The following TMC2 variants were observed in gnomAD, a reference collection of about 807,000 sequenced individuals.
TMC2 encodes transmembrane channel like 2, also known as transmembrane channel-like protein 2.
In TMC2, 102 loss-of-function variants were observed where a neutral mutation model predicts 105.9. The observed-to-expected ratio is 0.96, with a 90% CI of 0.82 to 1.14. The LOEUF (loss-of-function observed/expected upper bound fraction) is 1.14, where lower values mean the gene tolerates loss of function less well. Among genes scored for constraint, TMC2 ranks in the 50% most tolerant of loss-of-function variants. TMC2 has a pLI of 0.00. For missense variants in TMC2, 1,093 were observed against 1,134.3 expected, an observed-to-expected ratio of 0.96 and a Z score of 0.52; for synonymous variants, 402 against 422.8, an observed-to-expected ratio of 0.95 and a Z score of 0.60.
At chr20:2,597,332 A>C (rs758197149) in intron 10 of TMC2, 34 bp downstream of exon 10, 2 of 1,605,902 alleles carry the variant, frequency 1.2e-6, no homozygotes, top group Admixed American at 3.3e-5. Flanking sequence ...ACTTCCGGAG[A>C]ACTCTAGGTC....
At chr20:2,595,801 G>A (rs1269405497) in intron 9 of TMC2, among the ~76,000 whole-genome samples, 1 of 152,086 alleles carries the variant, frequency 6.6e-6, no homozygotes, top group East Asian at 1.9e-4. Flanking sequence ...GTGGAGCACT[G>A]GGTAGAGTGA....
In TMC2 at chr20:2,621,233, G is replaced by A. The variant is rs149152401; in HGVS notation, c.2181-3038G>A. Among the ~76,000 whole-genome samples the A allele has an allele frequency of 3.3e-3, 509 of 152,018 alleles. 6 individuals are homozygous for A. Among genetic ancestry groups the A allele is most frequent in the African/African-American group, 0.011 (474 of 41,438 alleles). On this transcript the variant is annotated intron_variant, in intron 16 of 19. Transcript: ENST00000358864. ...AAAAATTAGCCAGGTGTGGTGGTGC[G>A]TGCCTGTAATCCCAGCTACTCGGGA...
At chr20:2,568,759 G>A (rs6114971) in intron 4 of TMC2, among the ~76,000 whole-genome samples, 19,330 of 152,160 alleles carry the variant, frequency 0.13, 1,533 homozygotes, top group African/African-American at 0.22. Context: ...TCCTGCCAAG[G>A]GGGGGAACAG....
rs565855021 is a variant in TMC2 at position 2,625,523 on chromosome 20, A to C, written c.2306+1127A>C. Among the ~76,000 whole-genome samples the C allele has an allele frequency of 2.0e-5, 3 of 152,346 alleles. No individual in the cohort carries two copies. In the East Asian group the frequency reaches 5.8e-4, roughly 29 times the overall value. ...AACCTTTTCATGAATGACTCACATTACATGCTTTTCCTCAAACAACATTAT... is the reference window on the plus strand; with the variant it reads ...AACCTTTTCATGAATGACTCACATTCCATGCTTTTCCTCAAACAACATTAT... On this transcript the variant is annotated intron_variant, in intron 17 of 19. Coordinates refer to ENST00000358864, the MANE Select transcript of TMC2 (RefSeq NM_080751.3).
chr20:2,634,240 T>C (rs2086625983), intron 17 of TMC2, among the ~76,000 whole-genome samples: 1 of 152,192 alleles, frequency 6.6e-6, no homozygotes, highest in Non-Finnish European at 1.5e-5. Flanking sequence ...GGAGGGGAAC[T>C]GGAGCTCCAC....
rs116848045 is a variant in TMC2 at position 2,557,119 on chromosome 20, T to A, written c.83-1337T>A. Reference sequence around the variant, plus strand: ...GGCTTTCTCGATGTGTGGTTTGGTGTTTGTCATTAATATTAGAAAATTCTT... The same window carrying A: ...GGCTTTCTCGATGTGTGGTTTGGTGATTGTCATTAATATTAGAAAATTCTT... On this transcript the variant is annotated intron_variant, in intron 2 of 19. Coordinates refer to ENST00000358864, the MANE Select transcript of TMC2 (RefSeq NM_080751.3). Among the ~76,000 whole-genome samples the A allele has an allele frequency of 9.1e-3, 1,392 of 152,346 alleles. 14 individuals carry two copies. Among genetic ancestry groups the A allele is most frequent in the South Asian group, 0.021 (101 of 4,826 alleles).
chr20:2,615,363 T>C (rs1325107589), intron 14 of TMC2, among the ~76,000 whole-genome samples: 1 of 152,254 alleles, frequency 6.6e-6, no homozygotes, highest in African/African-American at 2.4e-5. Context: ...ACTTAATGTA[T>C]GCATGTTTCC....
chr20:2,636,085 G>A lies in TMC2; in HGVS notation c.2385+81G>A, dbSNP rs1046552848. On this transcript the variant is annotated intron_variant, in intron 18 of 19. Transcript: ENST00000358864. ...TTTGCTAATTTGCTGTGTGAGCCCA[G>A]CTGTGTTATCTAAATGGCTTTCTTC... 3 of 1,216,982 alleles carry A rather than the reference G, an allele frequency of 2.5e-6. No homozygotes were observed. In the African/African-American group the frequency reaches 4.5e-5, roughly 18 times the overall value. The allele number at this position is 1,216,982 out of a possible 1,614,324, so 75.4% of individuals were successfully genotyped here. A position where few individuals can be genotyped will look rare whatever the true frequency, so the allele number is the denominator to read the frequency against.
At chr20:2,566,379 G>A (rs2086064631) in intron 4 of TMC2, among the ~76,000 whole-genome samples, 1 of 152,200 alleles carries the variant, frequency 6.6e-6, no homozygotes, top group Admixed American at 6.5e-5. Flanking sequence ...AGATGAGGTT[G>A]GGGAACAAAG....
At position 2,575,879 on chromosome 20, in the gene TMC2, T is replaced by C. The variant is rs573795485; in HGVS notation, c.646-3267T>C. Among the ~76,000 whole-genome samples, 260 of 152,360 alleles carry C rather than the reference T, an allele frequency of 1.7e-3. 1 individual carries two copies. The highest frequency in any genetic ancestry group is 5.9e-3 in the African/African-American group (245 of 41,576). On this transcript the variant is annotated intron_variant, in intron 5 of 19. Transcript: ENST00000358864. The stretch of plus-strand genomic sequence containing the variant: ...TCTAATGTTTTTTTCATTCAATTAC[T>C]AAGCTCTTAGCTTCCTTGTAATCCT...
chr20:2,626,167 T>C (rs980090051), intron 17 of TMC2, among the ~76,000 whole-genome samples: 5 of 152,236 alleles, frequency 3.3e-5, no homozygotes, highest in African/African-American at 1.2e-4. Context: ...CTGTCAAGAC[T>C]TGATGTTTTA....
intron 7 of TMC2, among the ~76,000 whole-genome samples, chr20:2,584,400 C>A (rs1410170950): frequency 6.9e-6 from 1 of 143,980 alleles, no homozygotes; most frequent in African/African-American, 2.8e-5. Flanking sequence ...GCCGAGATCC[C>A]GCCACTGCAC....
At chr20:2,617,394 GTTTCAT>G in intron 16 of TMC2, 83 bp downstream of exon 16, 1 of 1,554,504 alleles carries the variant, frequency 6.4e-7, no homozygotes, top group Non-Finnish European at 8.8e-7. Flanking sequence ...TCCAGTTCTG[GTTTCAT>G]GCCAGCCTGT....
intron 17 of TMC2, among the ~76,000 whole-genome samples, chr20:2,633,626 A>G (rs2086620108): frequency 6.6e-6 from 1 of 152,220 alleles, no homozygotes; most frequent in African/African-American, 2.4e-5. Context: ...CACTGGATAA[A>G]TCAAATAATG....
intron 5 of TMC2, among the ~76,000 whole-genome samples, chr20:2,573,763 T>G (rs1337607228): frequency 6.6e-6 from 1 of 150,870 alleles, no homozygotes; most frequent in South Asian, 2.1e-4. Context: ...GGTTTCACCG[T>G]GTTAGCCAGG....
Position 2,613,168 on chromosome 20 carries a change from C to A in TMC2, c.1744-26C>A, listed in dbSNP as rs759777286. 15 of 1,603,742 alleles carry A rather than the reference C, an allele frequency of 9.4e-6. No individual in the cohort carries two copies. In the Admixed American group the frequency reaches 1.0e-4, roughly 11 times the overall value. ...GAGAAGTGGGCAAGGTCTCCAACCA[C>A]CCCCTCTTCCTGTGTTCCTCTGCAG... On this transcript the variant is annotated intron_variant, in intron 13 of 19. Coordinates refer to ENST00000358864, the MANE Select transcript of TMC2 (RefSeq NM_080751.3).
intron 14 of TMC2, among the ~76,000 whole-genome samples, chr20:2,615,614 G>T (rs193189912): frequency 6.6e-6 from 1 of 152,362 alleles, no homozygotes; most frequent in East Asian, 1.9e-4. Flanking sequence ...CAAGCTGGGT[G>T]CTTTCCTTTC....
rs565384388 is a variant in TMC2, at chr20:2,642,973, C to G, written c.*1622C>G. ...GAGACGAAGATTTTTACAGCAATTT[C>G]ATAAGCTGTACAATTAAAATAATTT... On this transcript the variant is annotated 3_prime_UTR_variant, in exon 20 of 20. Transcript: ENST00000358864. Among the ~76,000 whole-genome samples, 1 of 152,196 alleles carries G rather than the reference C, an allele frequency of 6.6e-6. No individual in the cohort carries two copies. The highest frequency in any genetic ancestry group is 1.5e-5 in the Non-Finnish European group (1 of 68,042).
chr20:2,537,914 G>A (rs576631802), intron 2 of TMC2, among the ~76,000 whole-genome samples: 2 of 152,272 alleles, frequency 1.3e-5, no homozygotes, highest in African/African-American at 4.8e-5. Context: ...TATTATGGAT[G>A]CGATGCTGTT....
Sources: allele counts gnomAD v4.1 joint callset (sites outside exome capture counted in the v4.1 genomes callset), GRCh38; gene constraint gnomAD v4.1.1; transcripts MANE v1.5; gene names NCBI Gene and HGNC (gene_info 2026-07-23, HGNC 2026-07-21).